Variants in OS9 observed in about 807,000 individuals in gnomAD.
OS9 encodes OS9 endoplasmic reticulum lectin.
In OS9, 58 loss-of-function variants were observed where a neutral mutation model predicts 84.7. The observed-to-expected ratio is 0.68, with a 90% CI of 0.55 to 0.85. The LOEUF (loss-of-function observed/expected upper bound fraction) is 0.85. Among genes scored for constraint, OS9 ranks in the 40% least tolerant of loss-of-function variants. OS9 has a pLI of 0.00. For synonymous variants in OS9, 278 were observed against 320.8 expected (o/e 0.87, Z 1.43); for missense variants, 760 against 850.9 (o/e 0.89, Z 1.33).
intron 5 of OS9, among the ~76,000 whole-genome samples, chr12:57,702,149 A>G (rs1954045166): frequency 6.6e-6 from 1 of 152,176 alleles, no homozygotes; most frequent in African/African-American, 2.4e-5. Context: ...TCATTCTAAC[A>G]GTCTTTAAGT....
chr12:57,718,689 G>A (rs1389011543), intron 11 of OS9, among the ~76,000 whole-genome samples: 1 of 152,172 alleles, frequency 6.6e-6, no homozygotes, highest in Non-Finnish European at 1.5e-5. Context: ...CGGATCACCT[G>A]AGGTCAGGAG....
intron 5 of OS9, among the ~76,000 whole-genome samples, chr12:57,710,574 G>C (rs1410561905): frequency 6.6e-6 from 1 of 151,932 alleles, no homozygotes; most frequent in African/African-American, 2.4e-5. Flanking sequence ...TGAATGCCTA[G>C]CTCATTCATT....
intron 5 of OS9, among the ~76,000 whole-genome samples, chr12:57,697,272 G>A (rs1297281561): frequency 6.6e-6 from 1 of 152,188 alleles, no homozygotes; most frequent in African/African-American, 2.4e-5. Context: ...AAACTTACCA[G>A]TTGGCTCCAA....
At position 57,715,746 on chromosome 12, in the gene OS9, T is replaced by C. The variant is rs764876265; in HGVS notation, c.580-14T>C. On this transcript the variant is annotated splice_polypyrimidine_tract_variant and intron_variant, in intron 5 of 14. Coordinates refer to ENST00000315970, the MANE Select transcript of OS9 (RefSeq NM_006812.4). ...GTTGGTGATTAAGTGTATTCATCCT[T>C]TCTGTCCTGGCAGTTCCTCTGTGAC... 6.3e-7 allele frequency: 1 copy of C among 1,579,422 alleles called. No homozygotes were observed. Among genetic ancestry groups the C allele is most frequent in the Non-Finnish European group, 8.6e-7 (1 of 1,158,594 alleles).
Position 57,716,187 on chromosome 12 carries a change from A to T in OS9, c.886A>T (p.Met296Leu), listed in dbSNP as rs753314559. 1 of 1,595,480 alleles carries T rather than the reference A, an allele frequency of 6.3e-7. No homozygotes were observed. Among genetic ancestry groups the T allele is most frequent in the Non-Finnish European group, 8.6e-7 (1 of 1,169,476 alleles). Residue 296 changes from methionine to leucine, a missense_variant, in exon 7 of 15, where the codon ATG becomes TTG. Physicochemically the swap from Met to Leu is conservative, Grantham distance 15. Coordinates refer to ENST00000315970, the MANE Select transcript of OS9 (RefSeq NM_006812.4). Reference protein sequence around the residue: ...ETKSGVAPQKMAGASPTKDDS... With the variant: ...ETKSGVAPQKLAGASPTKDDS... Reference sequence around the variant, plus strand: ...CAAGTCTGGGGTGGCACCCCAAAAGATGGCAGGTAGGACCTTGTTTCACCT... The same window carrying T: ...CAAGTCTGGGGTGGCACCCCAAAAGTTGGCAGGTAGGACCTTGTTTCACCT...
intron 5 of OS9, among the ~76,000 whole-genome samples, chr12:57,712,305 T>TA (rs1954355320): frequency 6.6e-6 from 1 of 152,220 alleles, no homozygotes; most frequent in Non-Finnish European, 1.5e-5. Flanking sequence ...TTGGATATGT[T>TA]ATGTCTTCAT....
At chr12:57,698,095 A>T (rs891638521) in intron 5 of OS9, among the ~76,000 whole-genome samples, 1 of 152,140 alleles carries the variant, frequency 6.6e-6, no homozygotes, top group Admixed American at 6.5e-5. Flanking sequence ...GAAGGCAGGG[A>T]TGATGTCTAT....
rs952682377 is a variant in OS9, at chr12:57,713,287, C to T, written c.580-2473C>T. On this transcript the variant is annotated intron_variant, in intron 5 of 14. Transcript: ENST00000315970. ...AATGTTTTGGAGCCCTGTATTCTTA[C>T]GGACTGCCTCTCCCCCTGGGCAAAA... Among the ~76,000 whole-genome samples, 6 of 152,290 alleles carry T rather than the reference C, an allele frequency of 3.9e-5. No homozygotes were observed. In the East Asian group the frequency reaches 5.8e-4, roughly 15 times the overall value.
chr12:57,718,429 C>G lies in OS9; in HGVS notation c.1410+8C>G, dbSNP rs1166220932. The G allele has an allele frequency of 3.7e-6, 6 of 1,610,330 alleles. No individual in the cohort carries two copies. Among genetic ancestry groups the G allele is most frequent in the Non-Finnish European group, 5.1e-6 (6 of 1,178,026 alleles). ...GAAAACATCATCCAGGAGGCAAGCC[C>G]AGCTCTTCCTCCTGTTGCTTCCACA... On this transcript the variant is annotated splice_region_variant and intron_variant, in intron 11 of 14. Coordinates refer to ENST00000315970, the MANE Select transcript of OS9 (RefSeq NM_006812.4).
intron 5 of OS9, among the ~76,000 whole-genome samples, chr12:57,705,725 C>T (rs988649241): frequency 3.9e-5 from 6 of 152,028 alleles, no homozygotes; most frequent in Non-Finnish European, 7.4e-5. Context: ...GGGGTTTTGT[C>T]ATATTGGCCA....
At chr12:57,695,535 T>G (rs1243469859) in intron 2 of OS9, 1 of 685,294 alleles carries the variant, frequency 1.5e-6, no homozygotes, top group African/African-American at 1.8e-5. Flanking sequence ...TAAAAAATCT[T>G]TTAAAAGGGA....
intron 3 of OS9, 50 bp downstream of exon 3, chr12:57,695,893 G>T (rs775810810): frequency 1.3e-6 from 2 of 1,557,850 alleles, no homozygotes; most frequent in Non-Finnish European, 1.8e-6. Flanking sequence ...TATCATGGAA[G>T]TTCCCCAGTT....
At chr12:57,696,449 AG>A in intron 5 of OS9, 76 bp downstream of exon 5, 2 of 243,040 alleles carry the variant, frequency 8.2e-6, no homozygotes, top group Non-Finnish European at 1.4e-5. Flanking sequence ...TGCATCTTAT[AG>A]TCGGGGCGGG....
rs11612794 is a variant in OS9 at position 57,717,877 on chromosome 12, G to C, written c.1053G>C (p.Gln351His). 3.8e-6 allele frequency: 6 copies of C among 1,584,526 alleles called. No individual in the cohort carries two copies. In the African/African-American group the frequency reaches 8.3e-5, roughly 22 times the overall value. ...DSASGAPNDF[Q>H]NNVQVKVIRS... ...ATTATTCTTTCATCTCAGATTTTCA[G>C]AACAACGTGCAGGTCAAAGTCATTC... Residue 351 changes from glutamine to histidine, a missense_variant, in exon 10 of 15, where the codon CAG (glutamine) becomes CAC (histidine). Gln to His is a conservative substitution (Grantham distance 24). Transcript: ENST00000315970.
rs760286615 is a variant in OS9 at position 57,694,137 on chromosome 12, C to G, written c.-25C>G. ...GCCTGGCTTAGGGCGGAAACAGATT[C>G]TCTGCATAAGAAGGGGAACGAAAGA... On this transcript the variant is annotated 5_prime_UTR_variant, in exon 1 of 15. Coordinates refer to ENST00000315970, the MANE Select transcript of OS9 (RefSeq NM_006812.4). 2 of 1,613,738 alleles carry G rather than the reference C, an allele frequency of 1.2e-6. No individual in the cohort carries two copies. Among genetic ancestry groups the G allele is most frequent in the Middle Eastern group, 1.6e-4 (1 of 6,062 alleles).
At chr12:57,695,912 C>T (rs1953814439) in intron 3 of OS9, 50 bp from the exon 4 acceptor site, 1 of 1,567,216 alleles carries the variant, frequency 6.4e-7, no homozygotes, top group Non-Finnish European at 8.8e-7. Flanking sequence ...TTCCCTCCTC[C>T]TCCTCCTCCT....
At chr12:57,710,906 A>G (rs1954306536) in intron 5 of OS9, among the ~76,000 whole-genome samples, 3 of 151,602 alleles carry the variant, frequency 2.0e-5, no homozygotes. Context: ...GGGTGTGGTG[A>G]GGCATGTCTG....
At position 57,721,403 on chromosome 12, in the gene OS9, A is replaced by G. The variant is rs1489772345; in HGVS notation, c.*494A>G. The G allele has an allele frequency of 6.3e-6, 1 of 159,670 alleles. No homozygotes were observed. The highest frequency in any genetic ancestry group is 1.4e-5 in the Non-Finnish European group (1 of 72,188). 9.9% of individuals were successfully genotyped at this position (159,670 alleles called of 1,614,324 possible). A position where few individuals can be genotyped will look rare whatever the true frequency, so the allele number is the denominator to read the frequency against. On this transcript the variant is annotated 3_prime_UTR_variant, in exon 15 of 15. Transcript: ENST00000315970. ...TTCCCTGCCCACCCTGTCCCCTACA[A>G]TTTGTGCTTCTGAGTTGAGGAGCCT...
At chr12:57,715,256 G>A (rs1210229148) in intron 5 of OS9, among the ~76,000 whole-genome samples, 2 of 151,984 alleles carry the variant, frequency 1.3e-5, no homozygotes, top group South Asian at 2.1e-4. Context: ...CCAGCTCCTC[G>A]GGAGGCTGAG....
Sources: allele counts gnomAD v4.1 joint callset (sites outside exome capture counted in the v4.1 genomes callset), GRCh38; gene constraint gnomAD v4.1.1; transcripts MANE v1.5; gene names NCBI Gene and HGNC (gene_info 2026-07-23, HGNC 2026-07-21).